STX8: variants seen among roughly 807,000 people sequenced by gnomAD.
STX8 encodes the protein syntaxin 8.
A neutral mutation model predicts 37.5 loss-of-function variants in STX8; 23 were observed. The ratio of observed to expected loss-of-function variants is 0.61; its 90% CI spans 0.44 to 0.87. STX8 has a LOEUF of 0.87. STX8 is among the 40% of genes least tolerant of loss of function. The probability of loss-of-function intolerance (pLI) is 0.00; values close to 1 mark genes in which losing one functional copy is unlikely to be tolerated. For synonymous variants in STX8, 115 were observed against 99.1 expected (o/e 1.16, Z -0.95); for missense variants, 313 against 284.7 (o/e 1.10, Z -0.71).
At chr17:9,411,823 C>G (rs190268904) in intron 6 of STX8, among the ~76,000 whole-genome samples, 13 of 152,074 alleles carry the variant, frequency 8.5e-5, no homozygotes, top group African/African-American at 2.4e-4. Context: ...AATCTCTCAG[C>G]CTTTTTAGAA....
At chr17:9,328,641 C>A (rs1909856381) in intron 7 of STX8, among the ~76,000 whole-genome samples, 1 of 152,158 alleles carries the variant, frequency 6.6e-6, no homozygotes, top group Non-Finnish European at 1.5e-5. Context: ...CAATGGCCCT[C>A]TTAGGGCTGT....
intron 7 of STX8, among the ~76,000 whole-genome samples, chr17:9,346,283 C>T (rs1263587917): frequency 1.3e-5 from 2 of 152,012 alleles, no homozygotes; most frequent in Non-Finnish European, 2.9e-5. Flanking sequence ...GGCTCCTTTT[C>T]CTCCTCTCTC....
intron 6 of STX8, among the ~76,000 whole-genome samples, chr17:9,411,608 T>C (rs1156311404): frequency 5.3e-5 from 8 of 152,210 alleles, no homozygotes; most frequent in Non-Finnish European, 8.8e-5. Flanking sequence ...CTATGTTACA[T>C]AGTCCGGGAT....
intron 7 of STX8, among the ~76,000 whole-genome samples, chr17:9,278,995 C>T (rs961697775): frequency 2.6e-5 from 4 of 152,064 alleles, no homozygotes; most frequent in African/African-American, 9.7e-5. Context: ...CCTCTCTAAT[C>T]CCCATCATCA....
intron 5 of STX8, among the ~76,000 whole-genome samples, chr17:9,499,463 A>G (rs1488590872): frequency 3.3e-5 from 5 of 152,170 alleles, no homozygotes; most frequent in Non-Finnish European, 7.3e-5. Flanking sequence ...TAGTAGCACA[A>G]TCTCGGCTCA....
intron 7 of STX8, among the ~76,000 whole-genome samples, chr17:9,330,915 G>A (rs1398737738): frequency 2.6e-5 from 4 of 152,224 alleles, no homozygotes; most frequent in Non-Finnish European, 4.4e-5. Flanking sequence ...AGCCTAGACT[G>A]CCTATCAAAT....
intron 4 of STX8, among the ~76,000 whole-genome samples, chr17:9,543,298 TG>T (rs936375686): frequency 7.8e-5 from 2 of 25,782 alleles, no homozygotes; most frequent in African/African-American, 3.7e-4. Flanking sequence ...GACAGTTTTT[TG>T]GTTTTTTTTT....
intron 6 of STX8, among the ~76,000 whole-genome samples, chr17:9,490,395 G>A (rs187765747): frequency 1.8e-3 from 267 of 151,606 alleles, no homozygotes; most frequent in Middle Eastern, 6.8e-3. Context: ...TTTTTGAGAC[G>A]GAGACTTGCT....
chr17:9,265,310 A>G (rs1389233318), intron 7 of STX8, among the ~76,000 whole-genome samples: 3 of 152,230 alleles, frequency 2.0e-5, no homozygotes. Context: ...TTGGGGCAGG[A>G]GAGCTCACCC....
intron 2 of STX8, among the ~76,000 whole-genome samples, chr17:9,560,747 GT>G (rs11306412): frequency 0.66 from 97,182 of 147,342 alleles, 33,284 homozygotes; most frequent in East Asian, 0.98. Context: ...GCACAGTTTG[GT>G]TTTTTTTTTT....
chr17:9,286,557 T>C (rs1908078819), intron 7 of STX8, among the ~76,000 whole-genome samples: 1 of 152,172 alleles, frequency 6.6e-6, no homozygotes, highest in Non-Finnish European at 1.5e-5. Flanking sequence ...TCAAGTTTGA[T>C]AGCTTGTAAG....
intron 6 of STX8, among the ~76,000 whole-genome samples, chr17:9,454,172 A>C (rs1158005414): frequency 6.6e-6 from 1 of 152,194 alleles, no homozygotes; most frequent in South Asian, 2.1e-4. Context: ...TCAGGGATAC[A>C]TTCTAAGGTC....
intron 4 of STX8, among the ~76,000 whole-genome samples, chr17:9,534,183 T>C (rs897601169): frequency 8.6e-6 from 1 of 115,798 alleles, no homozygotes; most frequent in Non-Finnish European, 2.1e-5. Flanking sequence ...ATAGTTTTCA[T>C]ATAAACAACA....
At chr17:9,559,756 A>ATTTTTTTTT (rs1214621506) in intron 2 of STX8, among the ~76,000 whole-genome samples, 21 of 31,138 alleles carry the variant, frequency 6.7e-4, no homozygotes, top group African/African-American at 2.9e-3. Context: ...ATATATATAT[A>ATTTTTTTTT]TATATTTTTT....
Position 9,505,099 on chromosome 17 carries a change from T to G in STX8, c.387A>C (p.Pro129=). 5 of 1,614,016 alleles carry G rather than the reference T, an allele frequency of 3.1e-6. No homozygotes were observed. The highest frequency in any genetic ancestry group is 4.2e-6 in the Non-Finnish European group (5 of 1,179,972). Residue 129 remains proline (P), a synonymous_variant, in exon 5 of 8, where the codon CCA becomes CCC. Coordinates refer to ENST00000306357, the MANE Select transcript of STX8 (RefSeq NM_004853.3). ...CAAAACCCAAGCCTCTGGTCTCCTC[T>G]GGCTCCTCAAAGAGCCAAGGGTTGG... ...GAPNPWLFEE[P]EETRGLGFDE...
At chr17:9,453,348 T>C (rs1367689986) in intron 6 of STX8, among the ~76,000 whole-genome samples, 1 of 152,150 alleles carries the variant, frequency 6.6e-6, no homozygotes, top group Non-Finnish European at 1.5e-5. Context: ...GAAAACACTA[T>C]TGTAATTAAC....
At chr17:9,447,829 A>T (rs1337458678) in intron 6 of STX8, among the ~76,000 whole-genome samples, 1 of 152,216 alleles carries the variant, frequency 6.6e-6, no homozygotes, top group African/African-American at 2.4e-5. Context: ...TTGGCATTAA[A>T]CCAAATCATT....
chr17:9,488,702 C>A (rs980135230), intron 6 of STX8, among the ~76,000 whole-genome samples: 12 of 152,170 alleles, frequency 7.9e-5, no homozygotes, highest in Admixed American at 7.9e-4. Flanking sequence ...CCCCTACATC[C>A]TCCAGAAGGA....
chr17:9,325,200 A>C (rs1300628894), intron 7 of STX8, among the ~76,000 whole-genome samples: 1 of 152,182 alleles, frequency 6.6e-6, no homozygotes, highest in Non-Finnish European at 1.5e-5. Flanking sequence ...AGCGTTTTCA[A>C]CTTAACGATA....
Sources: allele counts gnomAD v4.1 joint callset (sites outside exome capture counted in the v4.1 genomes callset), GRCh38; gene constraint gnomAD v4.1.1; transcripts MANE v1.5; gene names NCBI Gene and HGNC (gene_info 2026-07-23, HGNC 2026-07-21).